PCSK1: variants seen among roughly 807,000 people sequenced by gnomAD.
The protein encoded by PCSK1 is proprotein convertase subtilisin/kexin type 1.
In PCSK1, 56 loss-of-function variants were observed where a neutral mutation model predicts 90.6. The ratio of observed to expected loss-of-function variants is 0.62; its 90% CI spans 0.50 to 0.77. PCSK1 has a LOEUF of 0.77. Ranked by LOEUF, PCSK1 falls within the 30% of genes least tolerant of loss-of-function variation. The pLI is 0.00. For synonymous variants in PCSK1, 348 were observed against 342.4 expected (o/e 1.02, Z -0.18); for missense variants, 801 against 932.6 (o/e 0.86, Z 1.84).
chr5:96,417,245 T>C (rs1223625218), intron 5 of PCSK1, among the ~76,000 whole-genome samples: 1 of 152,176 alleles, frequency 6.6e-6, no homozygotes, highest in Non-Finnish European at 1.5e-5. Flanking sequence ...CAAAGATGAT[T>C]TCCTGGTCTC....
chr5:96,394,623 T>A (rs1433964392), intron 13 of PCSK1, among the ~76,000 whole-genome samples: 1 of 152,208 alleles, frequency 6.6e-6, no homozygotes, highest in Non-Finnish European at 1.5e-5. Flanking sequence ...GTGGAGAAAA[T>A]TCATGTTAGG....
At chr5:96,406,909 C>T (rs1052975899) in intron 9 of PCSK1, among the ~76,000 whole-genome samples, 2 of 152,076 alleles carry the variant, frequency 1.3e-5, no homozygotes, top group African/African-American at 2.4e-5. Context: ...GGAATGAGGA[C>T]ACATAAAAAG....
chr5:96,403,071 C>T (rs1409717840), intron 9 of PCSK1, among the ~76,000 whole-genome samples: 2 of 152,200 alleles, frequency 1.3e-5, no homozygotes, highest in African/African-American at 2.4e-5. Flanking sequence ...AAGGAGGAAG[C>T]GTACTGAGGA....
chr5:96,390,421 G>T lies in PCSK1; in HGVS notation c.*2580C>A, dbSNP rs1759902566. 1 of 152,126 alleles carries T rather than the reference G, an allele frequency of 6.6e-6. No individual in the cohort carries two copies. The highest frequency in any genetic ancestry group is 2.4e-5 in the African/African-American group (1 of 41,432). 9.4% of individuals were successfully genotyped at this position (152,126 alleles called of 1,614,324 possible). ...TTATAAGCATATTTTACATATTCTG[G>T]TCAATACATCAAATGTATAATGTGG... is the stretch of plus-strand genomic sequence containing the variant. On this transcript the variant is annotated 3_prime_UTR_variant, in exon 14 of 14. Coordinates refer to ENST00000311106, the MANE Select transcript of PCSK1 (RefSeq NM_000439.5).
intron 10 of PCSK1, 84 bp downstream of exon 10, chr5:96,399,869 C>A: frequency 9.2e-7 from 1 of 1,088,118 alleles, no homozygotes. Context: ...AGGGTAGATA[C>A]AAAAAAATCA....
chr5:96,432,801 G>C (rs1231459673), intron 1 of PCSK1, 62 bp downstream of exon 1: 26 of 1,420,164 alleles, frequency 1.8e-5, no homozygotes, highest in Non-Finnish European at 2.3e-5. Context: ...TTGGAAGACC[G>C]CGCTCCAGTC....
At chr5:96,432,255 C>A in intron 1 of PCSK1, 1 of 797,262 alleles carries the variant, frequency 1.3e-6, no homozygotes, top group Non-Finnish European at 2.0e-6. Context: ...GTCTTTCACC[C>A]ACCATTTCTC....
At chr5:96,409,383 C>T (rs945281786) in intron 8 of PCSK1, among the ~76,000 whole-genome samples, 8 of 152,202 alleles carry the variant, frequency 5.3e-5, no homozygotes, top group African/African-American at 9.7e-5. Context: ...CAGAGGGCTG[C>T]GGAAGCAAGG....
chr5:96,407,755 A>T (rs377294899), intron 9 of PCSK1, among the ~76,000 whole-genome samples: 3 of 152,240 alleles, frequency 2.0e-5, no homozygotes, highest in African/African-American at 7.2e-5. Context: ...TGATGTGGTT[A>T]TATCAGCTCC....
In PCSK1 at chr5:96,393,077, T is replaced by C. The variant is rs1229471824; in HGVS notation, c.2186A>G (p.Tyr729Cys). The change falls in exon 14 of 14, where the codon TAT (tyrosine) becomes TGT (cysteine). Residue 729 changes from tyrosine (Y) to cysteine (C), a missense_variant. Tyr to Cys is a radical substitution (Grantham distance 194). Coordinates refer to ENST00000311106, the MANE Select transcript of PCSK1 (RefSeq NM_000439.5). ...SLYNDYVDVF[Y>C]NTKPYKHRDD... ...TCTGTGCTTGTAAGGTTTAGTGTTA[T>C]AAAAAACATCAACATAGTCATTATA... The C allele has an allele frequency of 8.1e-6, 13 of 1,613,998 alleles. No individual in the cohort carries two copies. Among genetic ancestry groups the C allele is most frequent in the Non-Finnish European group, 1.0e-5 (12 of 1,179,962 alleles).
In PCSK1 at chr5:96,398,869, T is replaced by C; in HGVS notation, c.1588+10A>G. 1 of 1,610,382 alleles carries C rather than the reference T, an allele frequency of 6.2e-7. No homozygotes were observed. The highest frequency in any genetic ancestry group is 1.1e-5 in the South Asian group (1 of 91,008). The stretch of plus-strand genomic sequence containing the variant: ...AAAAATATAAATGGCTTAGAACTTT[T>C]TTAATTTACCAGCAGCAGAAGTAAG... On this transcript the variant is annotated intron_variant, in intron 11 of 13. Transcript: ENST00000311106.
rs745903233 is a variant in PCSK1, at chr5:96,393,175, A to G, written c.2088T>C (p.Pro696=). The change falls in exon 14 of 14, where the codon CCT becomes CCC. Residue 696 remains proline, a synonymous_variant. Coordinates refer to ENST00000311106, the MANE Select transcript of PCSK1 (RefSeq NM_000439.5). ...CCAGGGCTTCGTAGAAGTTTTCATA[A>G]GGGATGTTGAGCTTTGCACTTGGGG... is the stretch of plus-strand genomic sequence containing the variant. The part of the protein sequence containing the change: ...KKSPSAKLNI[P]YENFYEALEK... The G allele has an allele frequency of 1.2e-6, 2 of 1,614,122 alleles. No individual in the cohort carries two copies. The highest frequency in any genetic ancestry group is 8.5e-7 in the Non-Finnish European group (1 of 1,180,018).
At chr5:96,399,111 T>C (rs747966696) in intron 10 of PCSK1, 75 bp from the exon 11 acceptor site, 17 of 1,084,006 alleles carry the variant, frequency 1.6e-5, no homozygotes, top group Non-Finnish European at 2.2e-5. Context: ...TCTGCATGCA[T>C]CAATCTTGAC....
intron 2 of PCSK1, among the ~76,000 whole-genome samples, chr5:96,426,627 C>G (rs921546620): frequency 1.3e-5 from 2 of 152,126 alleles, no homozygotes; most frequent in Admixed American, 6.5e-5. Context: ...ATACTTGAAG[C>G]CCTGAGAGAG....
chr5:96,413,449 T>C (rs551661128), intron 6 of PCSK1, among the ~76,000 whole-genome samples: 140 of 152,278 alleles, frequency 9.2e-4, no homozygotes, highest in African/African-American at 3.1e-3. Flanking sequence ...AAAGGTAAAA[T>C]GATATGAAAT....
chr5:96,404,070 C>T (rs939282276), intron 9 of PCSK1, among the ~76,000 whole-genome samples: 1 of 152,160 alleles, frequency 6.6e-6, no homozygotes, highest in African/African-American at 2.4e-5. Context: ...ATACTCACTA[C>T]ATAATAATAA....
chr5:96,406,962 G>T (rs1238475943), intron 9 of PCSK1, among the ~76,000 whole-genome samples: 1 of 151,816 alleles, frequency 6.6e-6, no homozygotes, highest in Non-Finnish European at 1.5e-5. Flanking sequence ...TTTCCTCTGT[G>T]TTAAGTATTG....
intron 4 of PCSK1, among the ~76,000 whole-genome samples, chr5:96,422,273 A>T (rs997779988): frequency 6.6e-6 from 1 of 152,134 alleles, no homozygotes; most frequent in Admixed American, 6.6e-5. Flanking sequence ...CAGTTTTCAG[A>T]TGAGAAAATT....
At chr5:96,400,349 A>G (rs1435603632) in intron 9 of PCSK1, among the ~76,000 whole-genome samples, 163 bp from the exon 10 acceptor site, 4 of 152,256 alleles carry the variant, frequency 2.6e-5, no homozygotes, top group Admixed American at 2.6e-4. Flanking sequence ...CTTTTCATTC[A>G]GAATTCAGAA....
Sources: gnomAD v4.1 joint callset for allele counts (sites outside exome capture counted in the v4.1 genomes callset) on GRCh38, gnomAD v4.1.1 for gene constraint, MANE v1.5 for transcripts, NCBI Gene and HGNC (gene_info 2026-07-23, HGNC 2026-07-21) for gene names.